PALLD: variants seen among roughly 807,000 people sequenced by gnomAD.
PALLD encodes the protein palladin, cytoskeletal associated protein.
PALLD carries 61 observed loss-of-function variants against 123.5 expected under a neutral mutation model. The observed-to-expected ratio is 0.49, with a 90% CI of 0.40 to 0.61. The LOEUF is 0.61. Ranked by LOEUF, PALLD falls within the 20% of genes least tolerant of loss-of-function variation. PALLD has a pLI of 0.00. For synonymous variants in PALLD, 465 were observed against 496.4 expected (o/e 0.94, Z 0.84); for missense variants, 1,273 against 1,377.0 (o/e 0.92, Z 1.20).
At chr4:168,711,133 A>G (rs1784798648) in intron 9 of PALLD, among the ~76,000 whole-genome samples, 4 of 152,346 alleles carry the variant, frequency 2.6e-5, no homozygotes, top group African/African-American at 7.2e-5. Flanking sequence ...TTGGACTCCA[A>G]GGTTTACCTT....
chr4:168,884,515 T>C (rs1753072888), intron 10 of PALLD, among the ~76,000 whole-genome samples: 2 of 152,240 alleles, frequency 1.3e-5, no homozygotes, highest in Non-Finnish European at 2.9e-5. Flanking sequence ...CACTGTCTGA[T>C]ACAGTCATCT....
intron 2 of PALLD, among the ~76,000 whole-genome samples, chr4:168,662,540 G>A (rs934618026): frequency 1.3e-5 from 2 of 152,240 alleles, no homozygotes; most frequent in African/African-American, 4.8e-5. Flanking sequence ...GAAGAAGGGG[G>A]ATAGTGTCCT....
intron 15 of PALLD, among the ~76,000 whole-genome samples, chr4:168,905,428 G>A (rs749141239): frequency 1.6e-4 from 25 of 151,874 alleles, no homozygotes; most frequent in Admixed American, 2.6e-4. Context: ...CATTACAGGT[G>A]TGAGGCACTG....
At chr4:168,673,699 G>T (rs1780534560) in intron 3 of PALLD, among the ~76,000 whole-genome samples, 1 of 152,168 alleles carries the variant, frequency 6.6e-6, no homozygotes, top group East Asian at 1.9e-4. Flanking sequence ...ATTCGAGTTG[G>T]GTTCAGAGGC....
At chr4:168,924,654 A>G (rs146386754) in intron 19 of PALLD, among the ~76,000 whole-genome samples, 32 of 152,316 alleles carry the variant, frequency 2.1e-4, no homozygotes, top group African/African-American at 7.7e-4. Context: ...TTATCATTCT[A>G]TCTAAAAGAA....
At chr4:168,725,886 T>A (rs2150285654) in intron 10 of PALLD, among the ~76,000 whole-genome samples, 1 of 152,324 alleles carries the variant, frequency 6.6e-6, no homozygotes, top group Non-Finnish European at 1.5e-5. Flanking sequence ...AAAGAGTAGC[T>A]TAGTCTTCCA....
chr4:168,895,826 C>A (rs915567088), intron 12 of PALLD, among the ~76,000 whole-genome samples: 3 of 152,214 alleles, frequency 2.0e-5, no homozygotes, highest in African/African-American at 7.2e-5. Context: ...ATCTCTTTAT[C>A]TTCTTTCACA....
intron 2 of PALLD, among the ~76,000 whole-genome samples, chr4:168,566,512 G>T (rs1643655360): frequency 6.6e-6 from 1 of 151,936 alleles, no homozygotes; most frequent in African/African-American, 2.4e-5. Context: ...TGCCCAGGCT[G>T]GTCTCAAACT....
At chr4:168,706,762 A>G (rs777357620) in intron 8 of PALLD, among the ~76,000 whole-genome samples, 2 of 152,162 alleles carry the variant, frequency 1.3e-5, no homozygotes, top group Non-Finnish European at 2.9e-5. Context: ...AAAAAAATAG[A>G]TATATATATT....
At chr4:168,525,003 GA>G (rs1331080415) in intron 2 of PALLD, among the ~76,000 whole-genome samples, 1 of 152,110 alleles carries the variant, frequency 6.6e-6, no homozygotes, top group Non-Finnish European at 1.5e-5. Context: ...ATCCCAAGCA[GA>G]ATATAACAGA....
intron 8 of PALLD, among the ~76,000 whole-genome samples, chr4:168,697,922 G>T (rs184990192): frequency 5.3e-4 from 81 of 152,294 alleles, no homozygotes; most frequent in Non-Finnish European, 7.6e-4. Flanking sequence ...GCACTCCCAT[G>T]TTTGTTGCAG....
chr4:168,500,384 G>C (rs1761272593), intron 1 of PALLD, among the ~76,000 whole-genome samples: 2 of 82,110 alleles, frequency 2.4e-5, no homozygotes, highest in Non-Finnish European at 5.3e-5. Context: ...TGTTTTTTGA[G>C]TCAGGGTCTC....
In PALLD at chr4:168,915,967, C is replaced by A. The variant is rs370652817; in HGVS notation, c.2790C>A (p.Phe930Leu). 1.7e-5 allele frequency: 27 copies of A among 1,613,362 alleles called. No individual in the cohort carries two copies. Among genetic ancestry groups the A allele is most frequent in the Non-Finnish European group, 2.3e-5 (27 of 1,179,390 alleles). The change falls in exon 17 of 22, where the codon TTC becomes TTA. Residue 930 changes from phenylalanine (F) to leucine (L), a missense_variant. Phe to Leu is a conservative substitution (Grantham distance 22). Coordinates refer to ENST00000505667, the MANE Select transcript of PALLD (RefSeq NM_001166108.2). ...AGGAGCGATTCTTCAGACCTCACTT[C>A]TTGCAGGCTCCTGGAGATCTGACTG... The part of the protein sequence containing the change: ...PIQERFFRPH[F>L]LQAPGDLTVQ...
intron 2 of PALLD, among the ~76,000 whole-genome samples, chr4:168,536,943 T>C (rs1765158738): frequency 6.6e-6 from 1 of 151,876 alleles, no homozygotes; most frequent in Non-Finnish European, 1.5e-5. Context: ...TTCTCCTGCC[T>C]CAGCCTCCCG....
intron 2 of PALLD, among the ~76,000 whole-genome samples, chr4:168,599,773 T>A (rs536140158): frequency 3.6e-4 from 55 of 152,298 alleles, no homozygotes; most frequent in Middle Eastern, 3.4e-3. Flanking sequence ...AGAACCTGTG[T>A]CTATAGAAAT....
chr4:168,777,029 A>AT (rs1435134879), intron 10 of PALLD, among the ~76,000 whole-genome samples: 1 of 146,164 alleles, frequency 6.8e-6, no homozygotes, highest in Non-Finnish European at 1.5e-5. Context: ...TCCATTTTAA[A>AT]TTTTGTATGA....
At chr4:168,812,271 C>T (rs1161651068) in intron 10 of PALLD, among the ~76,000 whole-genome samples, 1 of 152,168 alleles carries the variant, frequency 6.6e-6, no homozygotes, top group East Asian at 1.9e-4. Context: ...AGCTTGGCCT[C>T]CTTAGAAATA....
chr4:168,753,684 A>G (rs1168886993), intron 10 of PALLD, among the ~76,000 whole-genome samples: 3 of 152,160 alleles, frequency 2.0e-5, no homozygotes, highest in Admixed American at 2.0e-4. Flanking sequence ...ATGCTCACTC[A>G]TCACGTGTAG....
chr4:168,919,926 T>C (rs1346987591), intron 17 of PALLD, among the ~76,000 whole-genome samples: 1 of 152,190 alleles, frequency 6.6e-6, no homozygotes, highest in African/African-American at 2.4e-5. Flanking sequence ...TGCCCTAGCA[T>C]GAGTAACTAT....
Sources: gnomAD v4.1 joint callset for allele counts (sites outside exome capture counted in the v4.1 genomes callset) on GRCh38, gnomAD v4.1.1 for gene constraint, MANE v1.5 for transcripts, NCBI Gene and HGNC (gene_info 2026-07-23, HGNC 2026-07-21) for gene names.